DCC: variants seen among roughly 807,000 people sequenced by gnomAD.
DCC encodes the protein DCC netrin 1 receptor, also known as netrin receptor DCC.
DCC carries 58 observed loss-of-function variants against 172.5 expected under a neutral mutation model. The observed-to-expected ratio is 0.34, with a 90% CI of 0.27 to 0.42. The LOEUF is 0.42. DCC is among the 10% of genes least tolerant of loss of function. The probability of loss-of-function intolerance (pLI) is 1.00; values close to 1 mark genes in which losing one functional copy is unlikely to be tolerated. For missense variants in DCC, 1,740 were observed against 1,791.0 expected, an observed-to-expected ratio of 0.97 and a Z score of 0.51; for synonymous variants, 709 against 644.5, an observed-to-expected ratio of 1.10 and a Z score of -1.52.
At chr18:53,235,234 T>G (rs1471957013) in intron 12 of DCC, among the ~76,000 whole-genome samples, 1 of 152,168 alleles carries the variant, frequency 6.6e-6, no homozygotes, top group Non-Finnish European at 1.5e-5. Context: ...GCCCATCATG[T>G]CTTTTTGAAT....
rs147434560 is a variant in DCC, at chr18:53,416,904, A to C, written c.3163+748A>C. On this transcript the variant is annotated intron_variant, in intron 21 of 28. Coordinates refer to ENST00000442544, the MANE Select transcript of DCC (RefSeq NM_005215.4). ...TCTTTACACAAAGGACAATTAGTAG[A>C]AAGCTGAGGGAGACAATGAATAGTT... is the stretch of plus-strand genomic sequence containing the variant. Among the ~76,000 whole-genome samples, 1,109 of 152,334 alleles carry C rather than the reference A, an allele frequency of 7.3e-3. 16 individuals are homozygous for C. The highest frequency in any genetic ancestry group is 0.027 in the Admixed American group (408 of 15,290).
At chr18:52,585,887 T>C (rs1164240863) in intron 1 of DCC, among the ~76,000 whole-genome samples, 1 of 151,920 alleles carries the variant, frequency 6.6e-6, no homozygotes, top group East Asian at 1.9e-4. Flanking sequence ...ATCAAGACCA[T>C]CTTGGCTAAC....
chr18:53,091,852 AATC>A (rs2043016582), intron 7 of DCC, among the ~76,000 whole-genome samples: 57 of 103,338 alleles, frequency 5.5e-4, no homozygotes, highest in Middle Eastern at 9.4e-3. Flanking sequence ...TCTATCTATC[AATC>A]TATCTATATA....
At chr18:53,088,623 G>A (rs2042955634) in intron 7 of DCC, among the ~76,000 whole-genome samples, 1 of 152,118 alleles carries the variant, frequency 6.6e-6, no homozygotes, top group Non-Finnish European at 1.5e-5. Context: ...AATGAATCCA[G>A]TAGCTGTTTT....
intron 1 of DCC, among the ~76,000 whole-genome samples, chr18:52,739,313 A>G (rs920407091): frequency 6.6e-6 from 1 of 152,070 alleles, no homozygotes; most frequent in African/African-American, 2.4e-5. Context: ...TCTTTCACTG[A>G]TTGAAGAAAT....
At chr18:52,776,342 G>A (rs2145175847) in intron 2 of DCC, among the ~76,000 whole-genome samples, 1 of 152,036 alleles carries the variant, frequency 6.6e-6, no homozygotes, top group Non-Finnish European at 1.5e-5. Context: ...ATAACTTATA[G>A]TTTTAAAATG....
chr18:53,305,215 T>C (rs2057186120), intron 12 of DCC, among the ~76,000 whole-genome samples: 1 of 151,828 alleles, frequency 6.6e-6, no homozygotes, highest in Admixed American at 6.7e-5. Flanking sequence ...ACTAATCCAC[T>C]ATAGCTCCCT....
chr18:52,802,755 C>G (rs1025270268), intron 2 of DCC, among the ~76,000 whole-genome samples: 9 of 142,728 alleles, frequency 6.3e-5, no homozygotes. Context: ...ATCCTCTAGC[C>G]TCAGCCTCCC....
chr18:52,878,674 T>G (rs1189405178), intron 2 of DCC, among the ~76,000 whole-genome samples: 1 of 152,242 alleles, frequency 6.6e-6, no homozygotes, highest in Non-Finnish European at 1.5e-5. Flanking sequence ...TATTTGTTTA[T>G]TATCTGATTC....
chr18:52,551,365 G>A (rs1168521768), intron 1 of DCC, among the ~76,000 whole-genome samples: 2 of 151,966 alleles, frequency 1.3e-5, no homozygotes, highest in African/African-American at 4.8e-5. Context: ...GAAATTGATA[G>A]TAAAGCATTT....
chr18:53,116,541 C>T (rs2043411606), intron 7 of DCC, among the ~76,000 whole-genome samples: 1 of 151,664 alleles, frequency 6.6e-6, no homozygotes, highest in South Asian at 2.1e-4. Flanking sequence ...GCAAAGTTAC[C>T]TCTGTCTTAA....
intron 2 of DCC, among the ~76,000 whole-genome samples, chr18:52,787,169 G>C (rs772575593): frequency 6.6e-6 from 1 of 152,090 alleles, no homozygotes; most frequent in South Asian, 2.1e-4. Context: ...CAAAAAGGTT[G>C]CTTTAACTTT....
At chr18:52,544,461 T>TC (rs1463831893) in intron 1 of DCC, among the ~76,000 whole-genome samples, 3 of 152,116 alleles carry the variant, frequency 2.0e-5, no homozygotes, top group African/African-American at 7.2e-5. Flanking sequence ...CTTTTTTTTT[T>TC]TTGTGGCACC....
chr18:53,199,738 G>T (rs2055506500), intron 9 of DCC, among the ~76,000 whole-genome samples: 1 of 151,972 alleles, frequency 6.6e-6, no homozygotes, highest in Non-Finnish European at 1.5e-5. Flanking sequence ...CTCGACACTA[G>T]CCAGGAATGC....
intron 1 of DCC, among the ~76,000 whole-genome samples, chr18:52,398,448 T>TGACATCCTTTGTATTGTAACTTTTTATGC (rs1986314037): frequency 6.6e-6 from 1 of 152,024 alleles, no homozygotes; most frequent in African/African-American, 2.4e-5. Flanking sequence ...TACCATTTTG[T>TGACATCCTTTGTATTGTAACTTTTTATGC]GACATCCTTT....
intron 1 of DCC, among the ~76,000 whole-genome samples, chr18:52,550,010 G>A (rs1370107746): frequency 1.3e-5 from 2 of 151,932 alleles, no homozygotes; most frequent in Non-Finnish European, 2.9e-5. Flanking sequence ...CTTTATAGTA[G>A]AGAAATAGGA....
intron 16 of DCC, 146 bp from the exon 17 acceptor site, chr18:53,391,508 CA>C (rs1908542076): frequency 1.5e-6 from 1 of 657,992 alleles, no homozygotes. Context: ...GAATTAATTA[CA>C]TTTTTTTCTG....
chr18:52,521,663 G>C (rs1486190967), intron 1 of DCC, among the ~76,000 whole-genome samples: 1 of 152,032 alleles, frequency 6.6e-6, no homozygotes, highest in Non-Finnish European at 1.5e-5. Flanking sequence ...TTCAGTTTGG[G>C]GGAGGTATAC....
chr18:53,404,693 T>G (rs1804376367), intron 19 of DCC, among the ~76,000 whole-genome samples: 1 of 151,406 alleles, frequency 6.6e-6, no homozygotes. Context: ...TTCGCGCTAC[T>G]GCACTCCAGC....
Sources: allele counts gnomAD v4.1 joint callset (sites outside exome capture counted in the v4.1 genomes callset), GRCh38; gene constraint gnomAD v4.1.1; transcripts MANE v1.5; gene names NCBI Gene and HGNC (gene_info 2026-07-23, HGNC 2026-07-21).